DACH2: variants seen among roughly 807,000 people sequenced by gnomAD.
DACH2 encodes the protein dachshund family transcription factor 2, also known as dachshund homolog 2.
A neutral mutation model predicts 35.8 loss-of-function variants in DACH2; 17 were observed. The observed-to-expected ratio is 0.48, with a 90% confidence interval of 0.33 to 0.71. The LOEUF (loss-of-function observed/expected upper bound fraction) is 0.71. DACH2 is among the 30% of genes least tolerant of loss of function. DACH2 has a pLI of 0.02. For synonymous variants in DACH2, 195 were observed against 177.3 expected (o/e 1.10, Z -0.79); for missense variants, 469 against 472.7 (o/e 0.99, Z 0.07).
At chrX:86,749,076 A>G (rs1029879780) in intron 7 of DACH2, among the ~76,000 whole-genome samples, 2 of 111,898 alleles carry the variant, frequency 1.8e-5, no homozygotes, top group Non-Finnish European at 3.8e-5. Flanking sequence ...AATTAAAGAG[A>G]GGTAGGGCCT....
At chrX:86,485,575 T>C (rs1338699150) in intron 2 of DACH2, among the ~76,000 whole-genome samples, 1 of 111,865 alleles carries the variant, frequency 8.9e-6, no homozygotes, top group Non-Finnish European at 1.9e-5. Flanking sequence ...ATTACTCTTA[T>C]ATGATCATTA....
At chrX:86,195,536 G>T (rs1438019212) in intron 1 of DACH2, among the ~76,000 whole-genome samples, 1 of 111,610 alleles carries the variant, frequency 9.0e-6, no homozygotes, top group Non-Finnish European at 1.9e-5. Context: ...GTGAATGTCT[G>T]CACGGAGCAG....
intron 1 of DACH2, among the ~76,000 whole-genome samples, chrX:86,239,053 T>C (rs1159710835): frequency 1.8e-5 from 2 of 111,547 alleles, no homozygotes; most frequent in Non-Finnish European, 3.8e-5. Flanking sequence ...GTGAACCACT[T>C]CTCTGCTAAC....
At chrX:86,345,637 A>C (rs900514384) in intron 1 of DACH2, among the ~76,000 whole-genome samples, 2 of 112,375 alleles carry the variant, frequency 1.8e-5, no homozygotes, top group Non-Finnish European at 3.8e-5. Flanking sequence ...AGTATTATTC[A>C]ATAAATTTAT....
chrX:86,424,023 G>C lies in DACH2; in HGVS notation c.527+47161G>C, dbSNP rs190005041. ...GTGTGGATTTGTTTCTGGGTTCTCA[G>C]TTCTGTTCCATTACTATATATGTCA... is the stretch of plus-strand genomic sequence containing the variant. On this transcript the variant is annotated intron_variant, in intron 2 of 11. Coordinates refer to ENST00000373125, the MANE Select transcript of DACH2 (RefSeq NM_053281.3). Among the ~76,000 whole-genome samples, 6 of 110,900 alleles carry C rather than the reference G, an allele frequency of 5.4e-5. No homozygotes were observed. The East Asian group carries it at 1.7e-3, about 31-fold the overall frequency.
At chrX:86,315,766 G>A (rs1233387974) in intron 1 of DACH2, among the ~76,000 whole-genome samples, 1 of 101,211 alleles carries the variant, frequency 9.9e-6, no homozygotes, top group Non-Finnish European at 2.0e-5. Flanking sequence ...TGCTCTCACG[G>A]CCAAGGAAAT....
At chrX:86,798,739 A>G (rs986123608) in intron 7 of DACH2, 1 of 124,616 alleles carries the variant, frequency 8.0e-6, no homozygotes, top group African/African-American at 3.2e-5. Context: ...CTTTCTGGGC[A>G]TAACCGTTCT....
chrX:86,705,099 A>G (rs774116826), intron 5 of DACH2, among the ~76,000 whole-genome samples: 17 of 108,511 alleles, frequency 1.6e-4, no homozygotes, highest in Admixed American at 3.0e-4. Flanking sequence ...ATATAATGGA[A>G]TACTACTCAG....
At chrX:86,609,972 C>T (rs1361985869) in intron 3 of DACH2, among the ~76,000 whole-genome samples, 1 of 111,315 alleles carries the variant, frequency 9.0e-6, no homozygotes, top group Non-Finnish European at 1.9e-5. Flanking sequence ...GGCTTCCACC[C>T]ATATTTACTT....
intron 2 of DACH2, among the ~76,000 whole-genome samples, chrX:86,415,874 T>C (rs958212136): frequency 6.3e-5 from 7 of 111,726 alleles, no homozygotes; most frequent in African/African-American, 2.3e-4. Flanking sequence ...TAAAATGTTG[T>C]GTATATATAA....
At chrX:86,629,724 T>TAA (rs201747809) in intron 3 of DACH2, among the ~76,000 whole-genome samples, 14 of 99,052 alleles carry the variant, frequency 1.4e-4, no homozygotes, top group East Asian at 1.3e-3. Flanking sequence ...CTCTGCAGAA[T>TAA]AAAAAAAAAA....
rs185069927 is a variant in DACH2 at position 86,763,458 on chromosome X, T to C, written c.1240+23576T>C. Among the ~76,000 whole-genome samples, 3 of 112,128 alleles carry C rather than the reference T, an allele frequency of 2.7e-5. No homozygotes were observed. In the East Asian group the frequency reaches 8.5e-4, roughly 32 times the overall value. On this transcript the variant is annotated intron_variant, in intron 7 of 11. Transcript: ENST00000373125. ...AAATTTAAGATGACGTTTACTTTTTTTTTGTTTTGTTTTGAGACGGAGTCT... is the reference window on the plus strand; with the variant it reads ...AAATTTAAGATGACGTTTACTTTTTCTTTGTTTTGTTTTGAGACGGAGTCT...
At chrX:86,365,978 G>A (rs941127900) in intron 1 of DACH2, among the ~76,000 whole-genome samples, 2 of 111,597 alleles carry the variant, frequency 1.8e-5, no homozygotes, top group African/African-American at 3.2e-5. Flanking sequence ...TATTTGACCC[G>A]ATTTTATTAT....
chrX:86,614,094 G>A (rs1231031990), intron 3 of DACH2, among the ~76,000 whole-genome samples: 1 of 111,667 alleles, frequency 9.0e-6, no homozygotes, highest in Non-Finnish European at 1.9e-5. Context: ...AAATAAATCT[G>A]TTTTCAAGTG....
At chrX:86,606,689 C>A (rs933458460) in intron 3 of DACH2, among the ~76,000 whole-genome samples, 1 of 111,244 alleles carries the variant, frequency 9.0e-6, no homozygotes, top group Non-Finnish European at 1.9e-5. Context: ...CTAAAATGTT[C>A]TATAAGTATA....
At chrX:86,370,481 G>A (rs866755825) in intron 1 of DACH2, among the ~76,000 whole-genome samples, 2 of 111,628 alleles carry the variant, frequency 1.8e-5, no homozygotes, top group Non-Finnish European at 3.8e-5. Context: ...TCGACTGGAA[G>A]ACATGAAATA....
At chrX:86,495,079 G>C (rs2038148414) in intron 2 of DACH2, among the ~76,000 whole-genome samples, 1 of 110,906 alleles carries the variant, frequency 9.0e-6, no homozygotes. Context: ...ACCGAGTCTT[G>C]CTCTGTCACC....
At chrX:86,637,040 T>C (rs2040276284) in intron 3 of DACH2, among the ~76,000 whole-genome samples, 1 of 97,947 alleles carries the variant, frequency 1.0e-5, no homozygotes, top group African/African-American at 3.7e-5. Flanking sequence ...AGTAACCCCA[T>C]TAAAAAGTGG....
intron 2 of DACH2, among the ~76,000 whole-genome samples, chrX:86,487,856 A>G (rs2038040548): frequency 8.9e-6 from 1 of 111,952 alleles, no homozygotes; most frequent in South Asian, 3.7e-4. Flanking sequence ...TTCAAATTAT[A>G]ACCACTTTTC....
Sources: gnomAD v4.1 joint callset for allele counts (sites outside exome capture counted in the v4.1 genomes callset) on GRCh38, gnomAD v4.1.1 for gene constraint, MANE v1.5 for transcripts, NCBI Gene and HGNC (gene_info 2026-07-23, HGNC 2026-07-21) for gene names.